Variants in TTC7B observed in about 807,000 individuals in gnomAD.
The protein encoded by TTC7B is tetratricopeptide repeat domain 7B.
A neutral mutation model predicts 106.8 loss-of-function variants in TTC7B; 28 were observed. The observed-to-expected ratio is 0.26, with a 90% CI of 0.19 to 0.36. The LOEUF (loss-of-function observed/expected upper bound fraction) is 0.36, where lower values mean the gene tolerates loss of function less well. Ranked by LOEUF, TTC7B falls within the 10% of genes least tolerant of loss-of-function variation. The pLI is 1.00. For synonymous variants in TTC7B, 405 were observed against 430.6 expected, an observed-to-expected ratio of 0.94 and a Z score of 0.74; for missense variants, 862 against 1,076.4, an observed-to-expected ratio of 0.80 and a Z score of 2.79.
intron 9 of TTC7B, among the ~76,000 whole-genome samples, chr14:90,670,809 G>A (rs147901533): frequency 8.7e-4 from 133 of 152,242 alleles, no homozygotes; most frequent in African/African-American, 3.1e-3. Flanking sequence ...CCAGAGCTGG[G>A]AACTGTCCAG....
chr14:90,657,422 G>C lies in TTC7B; in HGVS notation c.1237-144C>G. ...GCCCAAGCAAGCGGGGGCCTGAGGT[G>C]CATGAAAACCAGAGCCTGCGGCTTC... On this transcript the variant is annotated intron_variant, in intron 10 of 19. Coordinates refer to ENST00000328459, the MANE Select transcript of TTC7B (RefSeq NM_001010854.2). This position sits in a 1 kb window ranked among gnomAD's most constrained non-coding sequence, Gnocchi z 4.2. 1.5e-6 allele frequency: 1 copy of C among 659,832 alleles called. No individual in the cohort carries two copies. Among genetic ancestry groups the C allele is most frequent in the East Asian group, 2.8e-5 (1 of 35,088 alleles). 40.9% of individuals were successfully genotyped at this position (659,832 alleles called of 1,614,324 possible).
At chr14:90,811,404 C>T (rs2030894131) in intron 1 of TTC7B, among the ~76,000 whole-genome samples, 2 of 152,200 alleles carry the variant, frequency 1.3e-5, no homozygotes, top group South Asian at 2.1e-4. Flanking sequence ...CACCCCACAG[C>T]AGTGACTCTC....
rs905525458 is a variant in TTC7B at position 90,805,369 on chromosome 14, T to G, written c.121+10806A>C. The stretch of plus-strand genomic sequence containing the variant: ...CTCCCGGGTTCAGGCAATTCTCCTG[T>G]TCTCCTGCCTCAGCCTCCCGCGTAG... On this transcript the variant is annotated intron_variant, in intron 1 of 19. Coordinates refer to ENST00000328459, the MANE Select transcript of TTC7B (RefSeq NM_001010854.2). This position sits in a 1 kb window ranked among gnomAD's most constrained non-coding sequence, Gnocchi z 4.0. 3.9e-5 allele frequency among the ~76,000 whole-genome samples: 6 copies of G among 152,206 alleles called. No homozygotes were observed. The highest frequency in any genetic ancestry group is 1.2e-4 in the African/African-American group (5 of 41,458).
At chr14:90,774,010 G>A (rs1890946041) in intron 3 of TTC7B, among the ~76,000 whole-genome samples, 2 of 152,156 alleles carry the variant, frequency 1.3e-5, no homozygotes, top group African/African-American at 2.4e-5. Context: ...ATGATGAAAG[G>A]CTTCTATTCA....
Position 90,676,586 on chromosome 14 carries a change from A to T in TTC7B, c.1089T>A (p.Ser363=). The change falls in exon 9 of 20, where the codon TCT becomes TCA. Residue 363 remains serine (S), a synonymous_variant. Coordinates refer to ENST00000328459, the MANE Select transcript of TTC7B (RefSeq NM_001010854.2). The part of the protein sequence containing the change: ...SDRLISLQSA[S]VVYDLLTIAL... ...CAATGGTGAGTAAGTCATAGACCAC[A>T]GATGCACTCTGCAGACTGATGAGGC... is the stretch of plus-strand genomic sequence containing the variant. 1.9e-6 allele frequency: 3 copies of T among 1,614,178 alleles called. No individual in the cohort carries two copies. Among genetic ancestry groups the T allele is most frequent in the Non-Finnish European group, 1.7e-6 (2 of 1,180,018 alleles).
At chr14:90,675,846 T>A (rs1385158240) in intron 9 of TTC7B, 1 of 152,084 alleles carries the variant, frequency 6.6e-6, no homozygotes, top group Non-Finnish European at 1.5e-5. Context: ...GATAAAGTGA[T>A]CTTCTTGTTA....
chr14:90,616,917 A>G (rs1266903240), intron 16 of TTC7B, among the ~76,000 whole-genome samples: 1 of 152,168 alleles, frequency 6.6e-6, no homozygotes, highest in Non-Finnish European at 1.5e-5. Flanking sequence ...GGAAAGTAAA[A>G]AATACTCTGA....
intron 6 of TTC7B, among the ~76,000 whole-genome samples, chr14:90,692,221 GT>G (rs1408321645): frequency 6.6e-6 from 1 of 151,932 alleles, no homozygotes; most frequent in African/African-American, 2.4e-5. Flanking sequence ...TTTTTTGTTT[GT>G]TTTGAAACAG....
At chr14:90,769,423 A>G (rs966154715) in intron 3 of TTC7B, among the ~76,000 whole-genome samples, 1 of 152,232 alleles carries the variant, frequency 6.6e-6, no homozygotes. Context: ...GCCGTCTACA[A>G]GAAACTCTAG....
chr14:90,740,465 T>C (rs1889713415), intron 4 of TTC7B, among the ~76,000 whole-genome samples: 3 of 150,076 alleles, frequency 2.0e-5, no homozygotes, highest in African/African-American at 7.3e-5. Flanking sequence ...AAAAAGTTAC[T>C]GCATAAACAT....
intron 1 of TTC7B, among the ~76,000 whole-genome samples, chr14:90,795,882 C>T (rs539953564): frequency 5.3e-5 from 8 of 152,242 alleles, no homozygotes; most frequent in African/African-American, 7.2e-5. Flanking sequence ...ATACGAAGTG[C>T]CATGCAGTAT....
chr14:90,554,303 A>G (rs1890209928), intron 19 of TTC7B, among the ~76,000 whole-genome samples: 2 of 152,190 alleles, frequency 1.3e-5, no homozygotes, highest in African/African-American at 4.8e-5. Context: ...TGAGCAGGGC[A>G]TTAGAGCATT....
chr14:90,642,131 T>C (rs1885207704), intron 15 of TTC7B, among the ~76,000 whole-genome samples: 1 of 152,148 alleles, frequency 6.6e-6, no homozygotes, highest in African/African-American at 2.4e-5. Flanking sequence ...TCCAGAAATA[T>C]AGTTGGTGTA....
chr14:90,793,037 T>G (rs556937346), intron 1 of TTC7B, among the ~76,000 whole-genome samples: 1 of 152,234 alleles, frequency 6.6e-6, no homozygotes, highest in African/African-American at 2.4e-5. Context: ...CATGAGGCAG[T>G]TCCCCCATGC....
At chr14:90,732,107 T>G (rs1889351860) in intron 4 of TTC7B, among the ~76,000 whole-genome samples, 3 of 152,118 alleles carry the variant, frequency 2.0e-5, no homozygotes, top group African/African-American at 7.2e-5. Flanking sequence ...CAGAGAAAGA[T>G]AAAAATCATT....
chr14:90,615,995 C>A (rs1445867790), intron 16 of TTC7B, among the ~76,000 whole-genome samples: 1 of 152,166 alleles, frequency 6.6e-6, no homozygotes, highest in Non-Finnish European at 1.5e-5. Flanking sequence ...ATGGACACAG[C>A]CCAGGCATTT....
intron 3 of TTC7B, among the ~76,000 whole-genome samples, chr14:90,774,768 G>A (rs1024961551): frequency 5.3e-5 from 8 of 152,220 alleles, no homozygotes; most frequent in African/African-American, 1.4e-4. Flanking sequence ...GGCTGGGCGC[G>A]GTGGCTCACG....
chr14:90,613,924 C>T (rs949797081), intron 16 of TTC7B, among the ~76,000 whole-genome samples: 7 of 152,182 alleles, frequency 4.6e-5, no homozygotes, highest in South Asian at 2.1e-4. Flanking sequence ...AAAGTTATAC[C>T]GGCTATTAGA....
intron 9 of TTC7B, among the ~76,000 whole-genome samples, chr14:90,673,901 A>T (rs544755009): frequency 2.6e-5 from 4 of 152,194 alleles, no homozygotes; most frequent in Admixed American, 2.0e-4. Context: ...TAGAAAAAAA[A>T]AGCAGATTAA....
Sources: gnomAD v4.1 joint callset for allele counts (sites outside exome capture counted in the v4.1 genomes callset) on GRCh38, gnomAD v4.1.1 for gene constraint, Gnocchi (gnomAD v3.1) non-coding constraint, MANE v1.5 for transcripts, NCBI Gene and HGNC (gene_info 2026-07-23, HGNC 2026-07-21) for gene names.